The following AP3D1 variants were observed in gnomAD, a reference collection of about 807,000 sequenced individuals.
AP3D1 encodes the protein AP-3 complex subunit delta-1.
Under a neutral mutation model 147.6 loss-of-function variants are expected in AP3D1, and 51 were observed. That is an observed-to-expected ratio of 0.35 (90% CI 0.28 to 0.44). AP3D1 has a LOEUF of 0.44. Among genes scored for constraint, AP3D1 ranks in the 20% least tolerant of loss-of-function variants. AP3D1 has a pLI of 1.00. For synonymous variants in AP3D1, 760 were observed against 663.0 expected, an observed-to-expected ratio of 1.15 and a Z score of -2.25; for missense variants, 1,421 against 1,624.2, an observed-to-expected ratio of 0.87 and a Z score of 2.15.
rs1359652667 is a variant in AP3D1 at position 2,114,003 on chromosome 19, G to A, written c.2601+122C>T. The A allele has an allele frequency of 8.3e-6, 12 of 1,448,264 alleles. No individual in the cohort carries two copies. In the East Asian group the frequency reaches 1.2e-4, roughly 15 times the overall value. The allele number at this position is 1,448,264 out of a possible 1,614,324, so 89.7% of individuals were successfully genotyped here. ...ACTCCGCCGGGGCACAGGGCGAGGC[G>A]GCTGGCACTCGCTGCCTGACTCAGA... On this transcript the variant is annotated intron_variant, in intron 22 of 31. Coordinates refer to ENST00000643116, the MANE Select transcript of AP3D1 (RefSeq NM_001261826.3).
Position 2,151,511 on chromosome 19 carries a change from G to C in AP3D1, c.-177C>G, listed in dbSNP as rs142891314. The C allele has an allele frequency of 0.012, 2,158 of 183,850 alleles. 155 individuals are homozygous for C. The East Asian group carries it at 0.17, about 14-fold the overall frequency. 11.4% of individuals were successfully genotyped at this position (183,850 alleles called of 1,614,324 possible). A position where few individuals can be genotyped will look rare whatever the true frequency, so the allele number is the denominator to read the frequency against. On this transcript the variant is annotated 5_prime_UTR_variant, in exon 1 of 32. Coordinates refer to ENST00000643116, the MANE Select transcript of AP3D1 (RefSeq NM_001261826.3). ...CCGCGGCAGAGGCGGCGACCCGCTC[G>C]GCAGGTGCCGCGATCCCGCTCCGGG...
chr19:2,129,293 G>A (rs2018867301), intron 7 of AP3D1, 25 bp downstream of exon 7: 1 of 1,613,222 alleles, frequency 6.2e-7, no homozygotes, highest in Non-Finnish European at 8.5e-7. Flanking sequence ...AGGGTGAGGA[G>A]GCCACATTCC....
intron 1 of AP3D1, among the ~76,000 whole-genome samples, chr19:2,162,025 C>G (rs551619920): frequency 6.6e-6 from 1 of 150,828 alleles, no homozygotes; most frequent in South Asian, 2.1e-4. Flanking sequence ...AAAGAAAAAG[C>G]CCATTGAGTT....
intron 1 of AP3D1, among the ~76,000 whole-genome samples, chr19:2,146,533 G>A (rs1599495478): frequency 1.3e-5 from 2 of 151,654 alleles, no homozygotes; most frequent in African/African-American, 4.8e-5. Flanking sequence ...GAACCCAGGA[G>A]GCAGAGGTTG....
At chr19:2,121,434 C>G (rs1471209301) in intron 12 of AP3D1, 123 bp from the exon 13 acceptor site, 3 of 1,310,886 alleles carry the variant, frequency 2.3e-6, no homozygotes, top group Non-Finnish European at 3.2e-6. Context: ...ATTCACAGAT[C>G]GATGCCAGGG....
chr19:2,131,467 G>A (rs1304336816), intron 5 of AP3D1, among the ~76,000 whole-genome samples: 2 of 141,798 alleles, frequency 1.4e-5, no homozygotes, highest in Admixed American at 7.2e-5. Flanking sequence ...AGGGCCCATC[G>A]GCCACGATCT....
At chr19:2,152,218 G>A (rs545036597), upstream of AP3D1, among the ~76,000 whole-genome samples, 7 of 151,502 alleles carry the variant, frequency 4.6e-5, no homozygotes, top group African/African-American at 1.5e-4. Context: ...CCTGCCTTCC[G>A]AGATACATCA....
rs1045996513 is a variant in AP3D1 at position 2,123,894 on chromosome 19, T to C, written c.857-15A>G. ...CGAGATGAGCACTGCAACAGACAGC[T>C]TGGTCAGCACCACGGTCAGCACCAT... On this transcript the variant is annotated splice_polypyrimidine_tract_variant and intron_variant, in intron 9 of 31. Transcript: ENST00000643116. 2 of 1,568,766 alleles carry C rather than the reference T, an allele frequency of 1.3e-6. No individual in the cohort carries two copies. The highest frequency in any genetic ancestry group is 1.7e-6 in the Non-Finnish European group (2 of 1,156,988).
chr19:2,129,635 G>T lies in AP3D1; in HGVS notation c.593-178C>A, dbSNP rs529797061. 3.3e-5 allele frequency among the ~76,000 whole-genome samples: 5 copies of T among 152,350 alleles called. No individual in the cohort carries two copies. The South Asian group carries it at 1.0e-3, about 32-fold the overall frequency. ...GCAGCCACAGACCTGATCCTCCAGG[G>T]AACAGGCCACAGCAGCCAGCTCCTG... On this transcript the variant is annotated intron_variant, in intron 6 of 31. Coordinates refer to ENST00000643116, the MANE Select transcript of AP3D1 (RefSeq NM_001261826.3).
At position 2,116,753 on chromosome 19, in the gene AP3D1, C is replaced by G. The variant is rs747266499; in HGVS notation, c.1860-7G>C. ...CCAGGCGTCCAGGTCCAGGCTGCAC[C>G]GGACAGGAGGGCCACACAAGGCAGT... On this transcript the variant is annotated splice_region_variant and splice_polypyrimidine_tract_variant and intron_variant, in intron 16 of 31. Coordinates refer to ENST00000643116, the MANE Select transcript of AP3D1 (RefSeq NM_001261826.3). The G allele has an allele frequency of 1.2e-6, 2 of 1,603,012 alleles. No homozygotes were observed. The highest frequency in any genetic ancestry group is 1.7e-6 in the Non-Finnish European group (2 of 1,174,912).
chr19:2,137,989 A>G (rs1156543702), intron 2 of AP3D1, among the ~76,000 whole-genome samples, 182 bp from the exon 3 acceptor site: 1 of 152,180 alleles, frequency 6.6e-6, no homozygotes, highest in Non-Finnish European at 1.5e-5. Context: ...CGACTCTGAC[A>G]TTTAAAAGCT....
At chr19:2,113,138 C>T in intron 23 of AP3D1, 171 bp from the exon 24 acceptor site, 2 of 629,276 alleles carry the variant, frequency 3.2e-6, no homozygotes, top group Non-Finnish European at 5.5e-6. Flanking sequence ...CCTGGCTGTC[C>T]TCCCCTTCCC....
chr19:2,158,360 T>TG (rs1011433427), intron 1 of AP3D1, among the ~76,000 whole-genome samples: 6 of 150,928 alleles, frequency 4.0e-5, no homozygotes, highest in African/African-American at 9.7e-5. Context: ...TCGACCTGTT[T>TG]TTTTTTTTTT....
intron 2 of AP3D1, 112 bp downstream of exon 2, chr19:2,138,507 C>T (rs1167348618): frequency 2.4e-6 from 2 of 839,972 alleles, no homozygotes; most frequent in Non-Finnish European, 4.0e-6. Context: ...TCACCGACAG[C>T]AGGTGGTACC....
intron 15 of AP3D1, among the ~76,000 whole-genome samples, chr19:2,117,719 C>A (rs2018498427): frequency 6.6e-6 from 1 of 152,252 alleles, no homozygotes; most frequent in African/African-American, 2.4e-5. Context: ...CACAGCCAGG[C>A]TGGGCAGCTC....
chr19:2,102,338 G>T, intron 31 of AP3D1, 70 bp from the exon 32 acceptor site: 1 of 1,394,668 alleles, frequency 7.2e-7, no homozygotes, highest in Non-Finnish European at 1.0e-6. Context: ...TCAAGTCTGT[G>T]ATCCCAGCAT....
chr19:2,159,102 G>A (rs1359560343), intron 1 of AP3D1, among the ~76,000 whole-genome samples: 1 of 152,024 alleles, frequency 6.6e-6, no homozygotes, highest in Non-Finnish European at 1.5e-5. Flanking sequence ...TGATTCTCCT[G>A]CCTCAGCCTC....
intron 1 of AP3D1, among the ~76,000 whole-genome samples, chr19:2,149,242 C>T (rs970675758): frequency 1.3e-5 from 2 of 152,130 alleles, no homozygotes; most frequent in South Asian, 4.1e-4. Flanking sequence ...GACAACCCTG[C>T]GCCGTTTTAA....
At chr19:2,129,576 C>G in intron 6 of AP3D1, 119 bp from the exon 7 acceptor site, 1 of 1,259,264 alleles carries the variant, frequency 7.9e-7, no homozygotes, top group Non-Finnish European at 1.1e-6. Context: ...GAACATGGCC[C>G]TGGCTCTGCC....
Sources: gnomAD v4.1 joint callset for allele counts (sites outside exome capture counted in the v4.1 genomes callset) on GRCh38, gnomAD v4.1.1 for gene constraint, MANE v1.5 for transcripts, NCBI Gene and HGNC (gene_info 2026-07-23, HGNC 2026-07-21) for gene names.